TAF3: variants seen among roughly 807,000 people sequenced by gnomAD.
TAF3 encodes transcription initiation factor TFIID subunit 3.
Under a neutral mutation model 80.6 loss-of-function variants are expected in TAF3, and 7 were observed. The observed-to-expected ratio is 0.09, with a 90% CI of 0.05 to 0.16. The LOEUF is 0.16. Among genes scored for constraint, TAF3 ranks in the 10% least tolerant of loss-of-function variants. The pLI is 1.00. For synonymous variants in TAF3, 444 were observed against 446.1 expected (o/e 1.00, Z 0.06); for missense variants, 921 against 1,140.2 (o/e 0.81, Z 2.77).
intron 2 of TAF3, among the ~76,000 whole-genome samples, chr10:7,940,226 A>AAT (rs1183670691): frequency 1.3e-5 from 2 of 152,220 alleles, no homozygotes; most frequent in Admixed American, 6.5e-5. Context: ...CAGAGGGTAG[A>AAT]ATAGGGACAT....
rs769918295 is a variant in TAF3 at position 7,965,560 on chromosome 10, G to T, written c.2050G>T (p.Val684Leu). The change falls in exon 3 of 7, where the codon GTG (valine) becomes TTG (leucine). Residue 684 changes from valine to leucine, a missense_variant. This residue lies in a region of TAF3 where 743 missense variants were observed against 821.0 expected (regional missense o/e 0.90). Coordinates refer to ENST00000344293, the MANE Select transcript of TAF3 (RefSeq NM_031923.4). ...AGCCATGCTGCCATCTTTGTTGCCA[G>T]TGCTTCCGGAAAAACTGTTTGAGGA... ...VPAMLPSLLP[V>L]LPEKLFEEKE... 15 of 1,599,820 alleles carry T rather than the reference G, an allele frequency of 9.4e-6. No homozygotes were observed. The highest frequency in any genetic ancestry group is 1.1e-5 in the Non-Finnish European group (13 of 1,176,678).
intron 2 of TAF3, among the ~76,000 whole-genome samples, chr10:7,963,241 T>C (rs966156965): frequency 6.6e-6 from 1 of 152,232 alleles, no homozygotes; most frequent in African/African-American, 2.4e-5. Flanking sequence ...CCTATAATAA[T>C]CCATCTCTTG....
In TAF3 at chr10:8,007,609, T is replaced by TATAC. The variant is rs1491085112; in HGVS notation, c.2316-1468_2316-1467insTACA. 1.0e-4 allele frequency among the ~76,000 whole-genome samples: 8 copies of TATAC among 78,192 alleles called. 1 individual carries two copies. Among genetic ancestry groups the TATAC allele is most frequent in the African/African-American group, 3.1e-4 (6 of 19,620 alleles). The allele number at this position is 78,192 out of a possible 152,430, so 51.3% of individuals were successfully genotyped here. On this transcript the variant is annotated intron_variant, in intron 4 of 6. Coordinates refer to ENST00000344293, the MANE Select transcript of TAF3 (RefSeq NM_031923.4). Reference sequence around the variant, plus strand: ...ATATATATATATATATATATATATATACCTTTTTTTTTTAATAAAGAAGCT... The same window carrying TATAC: ...ATATATATATATATATATATATATATATACACCTTTTTTTTTTAATAAAGAAGCT...
intron 4 of TAF3, among the ~76,000 whole-genome samples, chr10:7,985,846 T>G (rs1739975034): frequency 6.7e-6 from 1 of 149,528 alleles, no homozygotes. Flanking sequence ...TGCAGTGGTG[T>G]GATCTTGGCT....
intron 4 of TAF3, among the ~76,000 whole-genome samples, chr10:7,996,441 G>T (rs568312500): frequency 6.6e-6 from 1 of 152,168 alleles, no homozygotes; most frequent in African/African-American, 2.4e-5. Context: ...TGTCCAGTCC[G>T]TGAGGGAACT....
At chr10:7,849,854 A>G (rs1564347291) in intron 2 of TAF3, among the ~76,000 whole-genome samples, 1 of 151,820 alleles carries the variant, frequency 6.6e-6, no homozygotes. Flanking sequence ...TAATTTGTGT[A>G]TTTTTTGTAG....
chr10:7,960,656 C>G (rs939046208), intron 2 of TAF3, among the ~76,000 whole-genome samples: 11 of 152,192 alleles, frequency 7.2e-5, no homozygotes, highest in African/African-American at 2.7e-4. Flanking sequence ...CACGCAGGGG[C>G]TCACTGTGAA....
chr10:7,925,487 A>G (rs552809565), intron 2 of TAF3, among the ~76,000 whole-genome samples: 36 of 152,324 alleles, frequency 2.4e-4, no homozygotes, highest in African/African-American at 8.7e-4. Context: ...ATTTATAACA[A>G]ACTTACATGG....
In TAF3 at chr10:8,016,035, A is replaced by G. The variant is rs1832101087; in HGVS notation, c.*1284A>G. On this transcript the variant is annotated 3_prime_UTR_variant, in exon 7 of 7. Coordinates refer to ENST00000344293, the MANE Select transcript of TAF3 (RefSeq NM_031923.4). ...TCACAAAACTTTATTATATTATTAT[A>G]CTGCCCACTATTTATTATATGTTAT... The G allele has an allele frequency of 6.6e-6, 1 of 152,170 alleles. No homozygotes were observed. The highest frequency in any genetic ancestry group is 1.5e-5 in the Non-Finnish European group (1 of 68,026). 9.4% of individuals were successfully genotyped at this position (152,170 alleles called of 1,614,324 possible).
At chr10:7,891,841 T>C (rs1837459405) in intron 2 of TAF3, among the ~76,000 whole-genome samples, 2 of 152,218 alleles carry the variant, frequency 1.3e-5, no homozygotes, top group Non-Finnish European at 2.9e-5. Context: ...ATCTTGAAAA[T>C]GTTGTATCTA....
Position 7,973,952 on chromosome 10 carries a change from A to G in TAF3, c.2233-3289A>G, listed in dbSNP as rs1272312259. On this transcript the variant is annotated intron_variant, in intron 3 of 6. Coordinates refer to ENST00000344293, the MANE Select transcript of TAF3 (RefSeq NM_031923.4). Reference sequence around the variant, plus strand: ...AGACCACCCTAGCCAGCATGGTGAAACCCTGTCTCTAATACAAATACAAAA... The same window carrying G: ...AGACCACCCTAGCCAGCATGGTGAAGCCCTGTCTCTAATACAAATACAAAA... 2.0e-5 allele frequency among the ~76,000 whole-genome samples: 3 copies of G among 151,886 alleles called. No individual in the cohort carries two copies. The East Asian group carries it at 5.8e-4, about 29-fold the overall frequency.
At chr10:7,986,439 A>T (rs1001061724) in intron 4 of TAF3, among the ~76,000 whole-genome samples, 11 of 152,144 alleles carry the variant, frequency 7.2e-5, no homozygotes, top group African/African-American at 2.2e-4. Context: ...TTTTCAAGCC[A>T]TTTTGGGCAT....
intron 2 of TAF3, among the ~76,000 whole-genome samples, chr10:7,836,081 G>C (rs1271876345): frequency 6.6e-6 from 1 of 152,002 alleles, no homozygotes; most frequent in Admixed American, 6.6e-5. Flanking sequence ...GTCTTCCCTG[G>C]CTCTCCTACT....
intron 2 of TAF3, among the ~76,000 whole-genome samples, chr10:7,903,444 C>T (rs1234413862): frequency 2.0e-5 from 3 of 152,204 alleles, no homozygotes; most frequent in Non-Finnish European, 4.4e-5. Context: ...CCAGGAAGCT[C>T]ACCTCCTTTT....
At chr10:7,989,679 T>C (rs1422048747) in intron 4 of TAF3, among the ~76,000 whole-genome samples, 1 of 152,248 alleles carries the variant, frequency 6.6e-6, no homozygotes, top group Non-Finnish European at 1.5e-5. Flanking sequence ...CATCCTAGTT[T>C]CTGGAGATTC....
chr10:7,932,153 T>G (rs535035860), intron 2 of TAF3, among the ~76,000 whole-genome samples: 15 of 152,292 alleles, frequency 9.8e-5, no homozygotes, highest in South Asian at 4.2e-4. Flanking sequence ...AGTCACTGTT[T>G]TAAAAAGTAA....
chr10:7,916,073 G>A (rs1037675561), intron 2 of TAF3, among the ~76,000 whole-genome samples: 1 of 152,186 alleles, frequency 6.6e-6, no homozygotes, highest in African/African-American at 2.4e-5. Context: ...AGGAGTGAAT[G>A]GATTGTAAAT....
chr10:7,953,834 G>A (rs1460810912), intron 2 of TAF3, among the ~76,000 whole-genome samples: 1 of 151,482 alleles, frequency 6.6e-6, no homozygotes, highest in Non-Finnish European at 1.5e-5. Flanking sequence ...AGACTCAAGA[G>A]TGCACGCCAT....
chr10:7,895,997 T>C (rs1265112955), intron 2 of TAF3, among the ~76,000 whole-genome samples: 1 of 151,876 alleles, frequency 6.6e-6, no homozygotes, highest in African/African-American at 2.4e-5. Flanking sequence ...GTATAAATAG[T>C]AAAATATATA....
Sources: gnomAD v4.1 joint callset for allele counts (sites outside exome capture counted in the v4.1 genomes callset) on GRCh38, gnomAD v4.1.1 for gene constraint, gnomAD v4.1.1 regional missense constraint, MANE v1.5 for transcripts, NCBI Gene and HGNC (gene_info 2026-07-23, HGNC 2026-07-21) for gene names.